Variants in DLC1 observed in about 807,000 individuals in gnomAD.
The protein encoded by DLC1 is rho GTPase-activating protein 7.
A neutral mutation model predicts 140.3 loss-of-function variants in DLC1; 54 were observed. The ratio of observed to expected loss-of-function variants is 0.38; its 90% CI spans 0.31 to 0.48. The LOEUF is 0.48. Among genes scored for constraint, DLC1 ranks in the 20% least tolerant of loss-of-function variants. DLC1 has a pLI of 0.96. For missense variants in DLC1, 2,536 were observed against 1,907.0 expected, an observed-to-expected ratio of 1.33 and a Z score of -6.14; for synonymous variants, 986 against 728.1, an observed-to-expected ratio of 1.35 and a Z score of -5.70.
At chr8:13,528,994 A>G (rs1035274034) in intron 1 of DLC1, among the ~76,000 whole-genome samples, 3 of 152,232 alleles carry the variant, frequency 2.0e-5, no homozygotes, top group African/African-American at 7.2e-5. Context: ...CTGAATAGCT[A>G]TGCCAAGACG....
chr8:13,349,327 A>G (rs879513452), intron 4 of DLC1, among the ~76,000 whole-genome samples: 1 of 152,050 alleles, frequency 6.6e-6, no homozygotes, highest in East Asian at 1.9e-4. Context: ...TTCTGGTTAG[A>G]AATCACAGAA....
chr8:13,482,299 A>G (rs1800773428), intron 2 of DLC1, among the ~76,000 whole-genome samples: 1 of 152,218 alleles, frequency 6.6e-6, no homozygotes, highest in South Asian at 2.1e-4. Context: ...TAATGCACAG[A>G]TTGGAGACAG....
At position 13,085,119 on chromosome 8, in the gene DLC1, A is replaced by G. The variant is rs145292718; in HGVS notation, c.*692T>C. The G allele has an allele frequency of 2.4e-4, 36 of 152,336 alleles. No homozygotes were observed. The highest frequency in any genetic ancestry group is 8.7e-4 in the African/African-American group (36 of 41,576). 9.4% of individuals were successfully genotyped at this position (152,336 alleles called of 1,614,324 possible). ...GTGTAAGAGCCAACCTATTACAATC[A>G]AAGTACAGAAGAGGTTCGTGGAAAA... On this transcript the variant is annotated 3_prime_UTR_variant, in exon 18 of 18. Coordinates refer to ENST00000276297, the MANE Select transcript of DLC1 (RefSeq NM_182643.3).
At chr8:13,513,706 T>C (rs1802475944) in intron 1 of DLC1, among the ~76,000 whole-genome samples, 1 of 152,192 alleles carries the variant, frequency 6.6e-6, no homozygotes, top group Non-Finnish European at 1.5e-5. Context: ...CTAAACTTCT[T>C]TTCTAATATA....
chr8:13,424,289 G>A (rs1014871660), intron 2 of DLC1, among the ~76,000 whole-genome samples: 2 of 152,042 alleles, frequency 1.3e-5, no homozygotes, highest in African/African-American at 4.8e-5. Flanking sequence ...AGGAGTTCAA[G>A]GTCAGCCTGG....
intron 5 of DLC1, among the ~76,000 whole-genome samples, chr8:13,173,084 TCTTAAA>T (rs1444473987): frequency 2.6e-5 from 4 of 152,202 alleles, no homozygotes; most frequent in African/African-American, 7.2e-5. Flanking sequence ...AACACCCATA[TCTTAAA>T]CTTAACATAT....
chr8:13,545,035 A>T (rs1283540614), intron 1 of DLC1, among the ~76,000 whole-genome samples: 2 of 152,116 alleles, frequency 1.3e-5, no homozygotes, highest in African/African-American at 4.8e-5. Context: ...GTTTTTGTTT[A>T]TATTTTCGTC....
intron 1 of DLC1, among the ~76,000 whole-genome samples, chr8:13,601,042 G>A (rs764995220): frequency 1.3e-5 from 2 of 151,532 alleles, no homozygotes; most frequent in African/African-American, 4.8e-5. Context: ...TTTAAAAATG[G>A]TTATCTACTT....
chr8:13,496,963 G>T (rs1801543184), intron 2 of DLC1, among the ~76,000 whole-genome samples: 2 of 151,728 alleles, frequency 1.3e-5, no homozygotes, highest in East Asian at 1.9e-4. Flanking sequence ...ACCATGCCTG[G>T]CTAATTTTTT....
intron 5 of DLC1, among the ~76,000 whole-genome samples, chr8:13,253,312 CAGAG>C (rs371709538): frequency 8.5e-5 from 13 of 152,292 alleles, no homozygotes; most frequent in African/African-American, 2.6e-4. Flanking sequence ...GCACAGATGT[CAGAG>C]AGTAACAATG....
At chr8:13,098,282 C>G (rs759824754) in intron 10 of DLC1, 117 bp downstream of exon 10, 8 of 1,283,904 alleles carry the variant, frequency 6.2e-6, no homozygotes, top group African/African-American at 1.5e-5. Flanking sequence ...CATAGGATGA[C>G]AGATGAAATA....
chr8:13,399,320 G>C lies in DLC1; in HGVS notation c.1173+2150C>G, dbSNP rs370510708. Among the ~76,000 whole-genome samples the C allele has an allele frequency of 2.0e-5, 3 of 152,288 alleles. No homozygotes were observed. In the East Asian group the frequency reaches 5.8e-4, roughly 29 times the overall value. Reference sequence around the variant, plus strand: ...TGTTGGGAAGGTTTCTAATGTAGCAGAATGAGCATAGGCTTTGGAGTCTGA... The same window carrying C: ...TGTTGGGAAGGTTTCTAATGTAGCACAATGAGCATAGGCTTTGGAGTCTGA... On this transcript the variant is annotated intron_variant, in intron 3 of 17. Coordinates refer to ENST00000276297, the MANE Select transcript of DLC1 (RefSeq NM_182643.3).
intron 5 of DLC1, chr8:13,133,558 C>T (rs7018153): frequency 0.077 from 11,457 of 148,950 alleles, 674 homozygotes; most frequent in African/African-American, 0.16. Flanking sequence ...CCCGCCCCGC[C>T]CCGCGCCTCC....
At chr8:13,537,470 A>T (rs912083523) in intron 1 of DLC1, among the ~76,000 whole-genome samples, 1 of 152,130 alleles carries the variant, frequency 6.6e-6, no homozygotes, top group African/African-American at 2.4e-5. Context: ...AAAAAGTACA[A>T]GTTGTTTTAT....
chr8:13,541,662 G>A (rs996198683), intron 1 of DLC1, among the ~76,000 whole-genome samples: 65 of 152,244 alleles, frequency 4.3e-4, no homozygotes, highest in African/African-American at 1.4e-3. Context: ...CCATTCTCCA[G>A]CCTCAGCCTC....
At chr8:13,488,173 T>C (rs1801057144) in intron 2 of DLC1, among the ~76,000 whole-genome samples, 1 of 152,208 alleles carries the variant, frequency 6.6e-6, no homozygotes, top group Non-Finnish European at 1.5e-5. Context: ...TATAAAACAG[T>C]GTATTAAAAA....
chr8:13,343,277 C>G (rs1181831316), intron 4 of DLC1, among the ~76,000 whole-genome samples: 1 of 151,986 alleles, frequency 6.6e-6, no homozygotes, highest in East Asian at 1.9e-4. Flanking sequence ...GTAGATACAC[C>G]AAGTAATTAT....
intron 4 of DLC1, among the ~76,000 whole-genome samples, chr8:13,389,738 T>C (rs1836669866): frequency 6.6e-6 from 1 of 152,122 alleles, no homozygotes; most frequent in Admixed American, 6.5e-5. Flanking sequence ...CCAGAGACCT[T>C]ACACACAAAA....
intron 5 of DLC1, among the ~76,000 whole-genome samples, chr8:13,206,541 G>A (rs112350666): frequency 8.0e-4 from 121 of 152,100 alleles, no homozygotes; most frequent in East Asian, 1.4e-3. Flanking sequence ...TAAATGGCTC[G>A]TTTAACAAAT....
Sources: allele counts gnomAD v4.1 joint callset (sites outside exome capture counted in the v4.1 genomes callset), GRCh38; gene constraint gnomAD v4.1.1; transcripts MANE v1.5; gene names NCBI Gene and HGNC (gene_info 2026-07-23, HGNC 2026-07-21).